The following IFT81 variants were observed in gnomAD, a reference collection of about 807,000 sequenced individuals.
The protein encoded by IFT81 is intraflagellar transport 81.
IFT81 carries 72 observed loss-of-function variants against 102.6 expected under a neutral mutation model. That is an observed-to-expected ratio of 0.70 (90% CI 0.58 to 0.85). The LOEUF is 0.85. IFT81 is among the 40% of genes least tolerant of loss of function. IFT81 has a pLI of 0.00. For synonymous variants in IFT81, 237 were observed against 242.7 expected (o/e 0.98, Z 0.22); for missense variants, 723 against 787.3 (o/e 0.92, Z 0.98).
intron 8 of IFT81, among the ~76,000 whole-genome samples, chr12:110,139,448 G>C (rs1894721116): frequency 6.6e-6 from 1 of 151,896 alleles, no homozygotes; most frequent in Non-Finnish European, 1.5e-5. Flanking sequence ...GCCAAGGTAA[G>C]AGGATCACTT....
chr12:110,184,417 A>G (rs1897434267), intron 12 of IFT81, among the ~76,000 whole-genome samples: 1 of 152,178 alleles, frequency 6.6e-6, no homozygotes, highest in Admixed American at 6.5e-5. Flanking sequence ...TTCAACCATC[A>G]GTGGAGTTTA....
At chr12:110,150,080 T>C (rs954928531) in intron 10 of IFT81, among the ~76,000 whole-genome samples, 2 of 151,984 alleles carry the variant, frequency 1.3e-5, no homozygotes, top group Non-Finnish European at 2.9e-5. Context: ...GGAGTTCTCG[T>C]TGATTTTTTG....
At chr12:110,209,768 CAAAA>C (rs774458929) in intron 18 of IFT81, among the ~76,000 whole-genome samples, 1 of 60,100 alleles carries the variant, frequency 1.7e-5, no homozygotes, top group Non-Finnish European at 3.6e-5. Flanking sequence ...TACTCCATCT[CAAAA>C]AAAAAAAAAA....
At chr12:110,199,157 T>C (rs1221378675) in intron 14 of IFT81, among the ~76,000 whole-genome samples, 1 of 152,146 alleles carries the variant, frequency 6.6e-6, no homozygotes, top group Admixed American at 6.5e-5. Context: ...TAGTTTTTAT[T>C]ATTTTAAATA....
chr12:110,194,164 C>T (rs1374967298), intron 14 of IFT81, among the ~76,000 whole-genome samples: 1 of 152,148 alleles, frequency 6.6e-6, no homozygotes, highest in East Asian at 1.9e-4. Flanking sequence ...CCCCCACGAT[C>T]CAATCACCTC....
chr12:110,202,183 A>AT (rs1898316235), intron 14 of IFT81, among the ~76,000 whole-genome samples: 1 of 152,240 alleles, frequency 6.6e-6, no homozygotes, highest in East Asian at 1.9e-4. Flanking sequence ...GATGCCTATG[A>AT]TATCACTAAG....
intron 13 of IFT81, 34 bp from the exon 14 acceptor site, chr12:110,192,583 T>C: frequency 1.8e-6 from 2 of 1,131,702 alleles, no homozygotes; most frequent in African/African-American, 1.6e-5. Flanking sequence ...TTTGAATTCT[T>C]TTTTAGGTGT....
chr12:110,201,380 C>T (rs932881051), intron 14 of IFT81, among the ~76,000 whole-genome samples: 4 of 144,208 alleles, frequency 2.8e-5, no homozygotes, highest in Middle Eastern at 6.5e-3. Context: ...TCAGCCTGGG[C>T]GACAAGAGAA....
At chr12:110,185,646 G>C (rs1566153611) in intron 12 of IFT81, among the ~76,000 whole-genome samples, 1 of 151,970 alleles carries the variant, frequency 6.6e-6, no homozygotes, top group Admixed American at 6.6e-5. Context: ...TTGTTCTGTT[G>C]CCCAGGCTGG....
intron 4 of IFT81, among the ~76,000 whole-genome samples, chr12:110,130,405 G>T (rs1476435652): frequency 2.1e-5 from 3 of 142,660 alleles, no homozygotes; most frequent in Non-Finnish European, 4.5e-5. Context: ...TTGCTCTGTT[G>T]CCCAGGCTGG....
chr12:110,174,403 C>T (rs1243063512), intron 11 of IFT81, among the ~76,000 whole-genome samples: 2 of 147,026 alleles, frequency 1.4e-5, no homozygotes, highest in Non-Finnish European at 3.0e-5. Flanking sequence ...TGCAGTGACC[C>T]GAGATTGCAC....
chr12:110,196,571 C>T (rs1898010761), intron 14 of IFT81, among the ~76,000 whole-genome samples: 1 of 151,954 alleles, frequency 6.6e-6, no homozygotes, highest in African/African-American at 2.4e-5. Flanking sequence ...AAAAACCAGC[C>T]CAGGGTAATA....
At chr12:110,164,444 AT>A (rs1223015970) in intron 11 of IFT81, among the ~76,000 whole-genome samples, 1 of 152,066 alleles carries the variant, frequency 6.6e-6, no homozygotes, top group Non-Finnish European at 1.5e-5. Flanking sequence ...GACTTTACCA[AT>A]TTTTACAGGC....
Position 110,205,593 on chromosome 12 carries a change from AG to A in IFT81, c.1717-1del. On this transcript the variant is annotated splice_acceptor_variant, in intron 16 of 18. Coordinates refer to ENST00000242591, the MANE Select transcript of IFT81 (RefSeq NM_014055.4). LOFTEE classifies it high-confidence loss of function. The stretch of plus-strand genomic sequence containing the variant: ...CCCTAAAACTGAAGTCTTTCTATTT[AG>A]AACCTAGAAGTTCAACTTCGTCGTG... 1 of 1,598,144 alleles carries A rather than the reference AG, an allele frequency of 6.3e-7. No individual in the cohort carries two copies. The highest frequency in any genetic ancestry group is 8.5e-7 in the Non-Finnish European group (1 of 1,175,072).
intron 10 of IFT81, chr12:110,162,323 A>G (rs573026746): frequency 6.9e-5 from 10 of 144,868 alleles, no homozygotes; most frequent in African/African-American, 2.3e-4. Flanking sequence ...GAAGACTTTA[A>G]TATTTTTCTT....
intron 3 of IFT81, among the ~76,000 whole-genome samples, chr12:110,128,440 GAT>G (rs1340478386): frequency 6.7e-6 from 1 of 149,970 alleles, no homozygotes; most frequent in Non-Finnish European, 1.5e-5. Flanking sequence ...ATATGCCAAT[GAT>G]ATATTGAGGG....
At position 110,204,002 on chromosome 12, in the gene IFT81, C is replaced by T. The variant is rs775622243; in HGVS notation, c.1644+52C>T. The T allele has an allele frequency of 3.6e-6, 4 of 1,123,300 alleles. No homozygotes were observed. The South Asian group carries it at 4.0e-5, about 11-fold the overall frequency. 69.6% of individuals were successfully genotyped at this position (1,123,300 alleles called of 1,614,324 possible). A position where few individuals can be genotyped will look rare whatever the true frequency, so the allele number is the denominator to read the frequency against. On this transcript the variant is annotated intron_variant, in intron 15 of 18. Coordinates refer to ENST00000242591, the MANE Select transcript of IFT81 (RefSeq NM_014055.4). ...ATTTAGCAAAAACTACCTGTGTGTACACCTGTAGTCCCAGCTACTCTGGAG... is the reference window on the plus strand; with the variant it reads ...ATTTAGCAAAAACTACCTGTGTGTATACCTGTAGTCCCAGCTACTCTGGAG...
chr12:110,186,521 T>C (rs1410483549), intron 12 of IFT81, among the ~76,000 whole-genome samples: 1 of 152,134 alleles, frequency 6.6e-6, no homozygotes, highest in Non-Finnish European at 1.5e-5. Context: ...TTGTTTTTGT[T>C]TTGTTTTTTT....
At chr12:110,181,452 A>C (rs531966117) in intron 12 of IFT81, among the ~76,000 whole-genome samples, 2 of 152,306 alleles carry the variant, frequency 1.3e-5, no homozygotes, top group Non-Finnish European at 2.9e-5. Flanking sequence ...ATGAATTTCC[A>C]GGTTATTTCC....
Sources: gnomAD v4.1 joint callset for allele counts (sites outside exome capture counted in the v4.1 genomes callset) on GRCh38, gnomAD v4.1.1 for gene constraint, MANE v1.5 for transcripts, NCBI Gene and HGNC (gene_info 2026-07-23, HGNC 2026-07-21) for gene names.